The following PDE7A variants were observed in gnomAD, a reference collection of about 807,000 sequenced individuals.
The protein encoded by PDE7A is high affinity 3',5'-cyclic-AMP phosphodiesterase 7A.
Under a neutral mutation model 64.3 loss-of-function variants are expected in PDE7A, and 39 were observed. The ratio of observed to expected loss-of-function variants is 0.61; its 90% CI spans 0.47 to 0.79. PDE7A has a LOEUF of 0.79. PDE7A is among the 30% of genes least tolerant of loss of function. The pLI is 0.00. For synonymous variants in PDE7A, 203 were observed against 206.8 expected (o/e 0.98, Z 0.16); for missense variants, 470 against 582.8 (o/e 0.81, Z 1.99).
intron 1 of PDE7A, among the ~76,000 whole-genome samples, chr8:65,837,881 G>A (rs562346754): frequency 2.0e-5 from 3 of 152,042 alleles, no homozygotes; most frequent in African/African-American, 4.8e-5. Flanking sequence ...TCTCCGTGTC[G>A]GCACTCAGAA....
intron 1 of PDE7A, among the ~76,000 whole-genome samples, chr8:65,790,519 C>G (rs1809672505): frequency 6.6e-6 from 1 of 152,048 alleles, no homozygotes; most frequent in Non-Finnish European, 1.5e-5. Context: ...TTGAAAAGAA[C>G]CAAAATAGTT....
At chr8:65,822,322 C>T (rs1810562443) in intron 1 of PDE7A, among the ~76,000 whole-genome samples, 1 of 152,120 alleles carries the variant, frequency 6.6e-6, no homozygotes, top group African/African-American at 2.4e-5. Context: ...ACAGTAGCCA[C>T]CTTGAGATGG....
At chr8:65,805,603 C>T (rs1296107035) in intron 1 of PDE7A, among the ~76,000 whole-genome samples, 1 of 152,126 alleles carries the variant, frequency 6.6e-6, no homozygotes, top group Non-Finnish European at 1.5e-5. Flanking sequence ...TCAAAACAAC[C>T]TTCATGTTAT....
chr8:65,761,945 C>T (rs146514725), intron 3 of PDE7A, among the ~76,000 whole-genome samples: 3 of 152,264 alleles, frequency 2.0e-5, no homozygotes, highest in Non-Finnish European at 4.4e-5. Context: ...TTTCCCACAA[C>T]CGATGTCACA....
chr8:65,739,153 T>A (rs1349136416), intron 6 of PDE7A, among the ~76,000 whole-genome samples: 5 of 152,252 alleles, frequency 3.3e-5, no homozygotes. Flanking sequence ...GTTTTTAATG[T>A]AAATCTATTA....
chr8:65,749,022 T>C (rs1415959034), intron 3 of PDE7A, among the ~76,000 whole-genome samples: 2 of 152,192 alleles, frequency 1.3e-5, no homozygotes, highest in African/African-American at 4.8e-5. Flanking sequence ...GGCTTCACGC[T>C]CCAAGTCTGG....
intron 1 of PDE7A, among the ~76,000 whole-genome samples, chr8:65,839,771 G>A (rs1263617548): frequency 1.3e-5 from 2 of 152,030 alleles, no homozygotes; most frequent in Non-Finnish European, 2.9e-5. Context: ...GCTTAAAATT[G>A]GTCTCTGTGG....
At chr8:65,795,533 C>T (rs1452666175) in intron 1 of PDE7A, among the ~76,000 whole-genome samples, 2 of 152,126 alleles carry the variant, frequency 1.3e-5, no homozygotes, top group Non-Finnish European at 2.9e-5. Flanking sequence ...AGGGAAAGAA[C>T]AACTACAGGA....
chr8:65,738,122 T>G (rs1807232032), intron 6 of PDE7A, among the ~76,000 whole-genome samples: 1 of 152,040 alleles, frequency 6.6e-6, no homozygotes, highest in Admixed American at 6.5e-5. Context: ...TACACTATAG[T>G]CTATTAAGTG....
intron 6 of PDE7A, among the ~76,000 whole-genome samples, chr8:65,736,409 G>A (rs1585845423): frequency 6.6e-6 from 1 of 152,248 alleles, no homozygotes; most frequent in East Asian, 1.9e-4. Flanking sequence ...GATAAAGGCG[G>A]ACTACTGTAC....
At position 65,777,993 on chromosome 8, in the gene PDE7A, C is replaced by T. The variant is rs1466345078; in HGVS notation, c.283+1727G>A. The stretch of plus-strand genomic sequence containing the variant: ...ATTGCTTCTTTAAAGACTGCTCCTG[C>T]TACATTTTTCCCTCTCCTCTCCTTC... On this transcript the variant is annotated intron_variant, in intron 3 of 12. Transcript: ENST00000401827. Among the ~76,000 whole-genome samples the T allele has an allele frequency of 2.0e-5, 3 of 152,268 alleles. No homozygotes were observed. The East Asian group carries it at 5.8e-4, about 29-fold the overall frequency.
chr8:65,762,393 T>C (rs1808541730), intron 3 of PDE7A, among the ~76,000 whole-genome samples: 1 of 152,156 alleles, frequency 6.6e-6, no homozygotes, highest in Admixed American at 6.5e-5. Flanking sequence ...TCTGCAGCAA[T>C]GGTCATTAGT....
chr8:65,739,263 A>G (rs1234694725), intron 6 of PDE7A, among the ~76,000 whole-genome samples: 1 of 152,222 alleles, frequency 6.6e-6, no homozygotes, highest in African/African-American at 2.4e-5. Flanking sequence ...TACAAAACCA[A>G]CATGCAGCCC....
intron 4 of PDE7A, 21 bp downstream of exon 4, chr8:65,747,631 T>C: frequency 6.5e-7 from 1 of 1,530,622 alleles, no homozygotes; most frequent in Non-Finnish European, 8.9e-7. Flanking sequence ...ATTAATGTTT[T>C]CTTAAAAAAA....
intron 3 of PDE7A, among the ~76,000 whole-genome samples, chr8:65,763,029 G>A (rs76112748): frequency 6.8e-6 from 1 of 146,092 alleles, no homozygotes; most frequent in African/African-American, 2.5e-5. Flanking sequence ...GTGTGTGTGT[G>A]TGTGTGTGTA....
intron 1 of PDE7A, among the ~76,000 whole-genome samples, chr8:65,828,315 G>A (rs1401112989): frequency 6.6e-6 from 1 of 152,074 alleles, no homozygotes; most frequent in East Asian, 1.9e-4. Context: ...TACAGATGTA[G>A]AAAGCAGCAT....
intron 1 of PDE7A, among the ~76,000 whole-genome samples, chr8:65,783,544 A>T (rs1021568756): frequency 6.6e-6 from 1 of 151,852 alleles, no homozygotes; most frequent in African/African-American, 2.4e-5. Flanking sequence ...CTCTTCAGAA[A>T]GGGATTCCCT....
intron 5 of PDE7A, among the ~76,000 whole-genome samples, chr8:65,740,642 C>T (rs1029421040): frequency 2.3e-4 from 35 of 152,196 alleles, no homozygotes; most frequent in Middle Eastern, 3.4e-3. Flanking sequence ...CCTTGTGATC[C>T]GCCCGCCTCG....
At chr8:65,807,233 C>T (rs1057093597) in intron 1 of PDE7A, among the ~76,000 whole-genome samples, 2 of 152,178 alleles carry the variant, frequency 1.3e-5, no homozygotes, top group African/African-American at 4.8e-5. Context: ...AGTTTTCAGA[C>T]AATACACTTT....
Sources: gnomAD v4.1 joint callset for allele counts (sites outside exome capture counted in the v4.1 genomes callset) on GRCh38, gnomAD v4.1.1 for gene constraint, MANE v1.5 for transcripts, NCBI Gene and HGNC (gene_info 2026-07-23, HGNC 2026-07-21) for gene names.